The following ADAM20 variants were observed in gnomAD, a reference collection of about 807,000 sequenced individuals.
The protein encoded by ADAM20 is disintegrin and metalloproteinase domain-containing protein 20.
For missense variants in ADAM20, 871 were observed against 883.2 expected, an observed-to-expected ratio of 0.99 and a Z score of 0.18; for synonymous variants, 305 against 310.2, an observed-to-expected ratio of 0.98 and a Z score of 0.18.
intron 1 of ADAM20, among the ~76,000 whole-genome samples, chr14:70,531,773 C>T (rs1182864506): frequency 6.6e-6 from 1 of 151,790 alleles, no homozygotes; most frequent in Non-Finnish European, 1.5e-5. Flanking sequence ...GAATAAAATA[C>T]TTAGGAATAA....
chr14:70,571,589 C>T, the ADAM20 span, among the ~76,000 whole-genome samples: 43 of 152,306 alleles, frequency 2.8e-4, 1 homozygote, highest in South Asian at 6.0e-3. Context: ...ACTAATACAT[C>T]CATTCTCCCC....
chr14:70,560,272 T>C, the ADAM20 span, among the ~76,000 whole-genome samples: 1 of 152,170 alleles, frequency 6.6e-6, no homozygotes, highest in African/African-American at 2.4e-5. Flanking sequence ...ACTATCACTA[T>C]TTATGAACTT....
chr14:70,537,537 A>G (rs926504316), upstream of ADAM20, among the ~76,000 whole-genome samples: 4 of 152,156 alleles, frequency 2.6e-5, no homozygotes, highest in African/African-American at 9.7e-5. Context: ...GACCAGTGGG[A>G]CTAAGCTGGA....
the ADAM20 span, among the ~76,000 whole-genome samples, chr14:70,573,361 A>G: frequency 6.6e-6 from 1 of 152,226 alleles, no homozygotes; most frequent in African/African-American, 2.4e-5. Context: ...GCTCTCACTT[A>G]TCAATTGGCT....
chr14:70,524,243 CT>C lies in ADAM20; in HGVS notation c.514del (p.Arg172AspfsTer4). The C allele has an allele frequency of 6.2e-7, 1 of 1,614,004 alleles. No homozygotes were observed. The highest frequency in any genetic ancestry group is 8.5e-7 in the Non-Finnish European group (1 of 1,179,928). ...DSDDTQFPPM[R>X]CGLTEEKIAH... ...TATTTTCTCTTCTGTTAACCCACATCTCATAGGTGGAAACTGTGTATCATCA... is the reference window on the plus strand; with the variant it reads ...TATTTTCTCTTCTGTTAACCCACATCCATAGGTGGAAACTGTGTATCATCA... On this transcript the variant is annotated frameshift_variant, in exon 2 of 2. Transcript: ENST00000256389. LOFTEE classifies it low-confidence loss of function (END_TRUNC).
the ADAM20 span, among the ~76,000 whole-genome samples, chr14:70,540,394 C>A: frequency 6.6e-6 from 1 of 152,076 alleles, no homozygotes; most frequent in East Asian, 1.9e-4. Context: ...AAAGTAAAAG[C>A]CATGGAAACT....
rs768351469 is a variant in ADAM20 at position 70,523,826 on chromosome 14, G to T, written c.932C>A (p.Ala311Asp). The change falls in exon 2 of 2, where the codon GCC (alanine) becomes GAC (aspartate). Residue 311 changes from alanine (A) to aspartate (D), a missense_variant. Transcript: ENST00000256389. Reference protein sequence around the residue: ...KDTQGMKLGVAYVKGICQNPF... With the variant: ...KDTQGMKLGVDYVKGICQNPF... ...ATTCTGGCATATTCCTTTAACATAGGCAACACCAAGCTTCATGCCTTGTGT... is the reference window on the plus strand; with the variant it reads ...ATTCTGGCATATTCCTTTAACATAGTCAACACCAAGCTTCATGCCTTGTGT... The T allele has an allele frequency of 3.1e-6, 5 of 1,613,960 alleles. No homozygotes were observed. In the South Asian group the frequency reaches 4.4e-5, roughly 14 times the overall value.
chr14:70,574,597 A>G, the ADAM20 span, among the ~76,000 whole-genome samples: 1 of 151,960 alleles, frequency 6.6e-6, no homozygotes, highest in Admixed American at 6.6e-5. Flanking sequence ...CCGAGATCGC[A>G]CCACTGCACT....
At chr14:70,543,981 C>T in the ADAM20 span, among the ~76,000 whole-genome samples, 3 of 152,180 alleles carry the variant, frequency 2.0e-5, no homozygotes, top group African/African-American at 4.8e-5. Context: ...CCATAAACCA[C>T]AAGTGACATC....
At chr14:70,576,119 T>C in the ADAM20 span, among the ~76,000 whole-genome samples, 2 of 151,984 alleles carry the variant, frequency 1.3e-5, no homozygotes, top group African/African-American at 4.8e-5. Flanking sequence ...TTAAAATAAA[T>C]GAAAGTAGAA....
chr14:70,569,491 A>T, the ADAM20 span, among the ~76,000 whole-genome samples: 1 of 152,172 alleles, frequency 6.6e-6, no homozygotes, highest in African/African-American at 2.4e-5. Context: ...AATTGGATTT[A>T]AAAAACAGTA....
chr14:70,566,080 AG>A, the ADAM20 span, among the ~76,000 whole-genome samples: 1 of 152,216 alleles, frequency 6.6e-6, no homozygotes, highest in East Asian at 1.9e-4. Context: ...AAGTTGCTCA[AG>A]TTGAAACAAA....
chr14:70,566,754 C>G, the ADAM20 span, among the ~76,000 whole-genome samples: 1 of 152,048 alleles, frequency 6.6e-6, no homozygotes, highest in Non-Finnish European at 1.5e-5. Context: ...CCGAGGCAGG[C>G]AGATCACTTG....
At chr14:70,567,650 G>C in the ADAM20 span, among the ~76,000 whole-genome samples, 1 of 151,992 alleles carries the variant, frequency 6.6e-6, no homozygotes, top group East Asian at 1.9e-4. Context: ...CTCGAATGGC[G>C]GGGCCTAACT....
Position 70,524,310 on chromosome 14 carries a change from C to A in ADAM20, c.448G>T (p.Val150Phe). The A allele has an allele frequency of 1.9e-6, 3 of 1,614,016 alleles. No individual in the cohort carries two copies. In the South Asian group the frequency reaches 3.3e-5, roughly 18 times the overall value. ...ACTAGGTGTTCAAATGTGGCAGAAACACTAATTGGCTTGATTTCATAAACA... is the reference window on the plus strand; with the variant it reads ...ACTAGGTGTTCAAATGTGGCAGAAAAACTAATTGGCTTGATTTCATAAACA... ...DLVYEIKPIS[V>F]SATFEHLVYK... The change falls in exon 2 of 2, where the codon GTT becomes TTT. Residue 150 changes from valine to phenylalanine, a missense_variant. By Grantham distance (50) the Val-to-Phe change is conservative. Transcript: ENST00000256389.
the ADAM20 span, among the ~76,000 whole-genome samples, chr14:70,553,319 A>AC: frequency 8.1e-6 from 1 of 123,776 alleles, no homozygotes; most frequent in Non-Finnish European, 1.6e-5. Context: ...TAAAAAAAAA[A>AC]AAAAAAAAAA....
the ADAM20 span, among the ~76,000 whole-genome samples, chr14:70,541,180 C>T: frequency 6.6e-6 from 1 of 152,144 alleles, no homozygotes; most frequent in Non-Finnish European, 1.5e-5. Flanking sequence ...AAATTCGAGG[C>T]ATGTGAGAGA....
chr14:70,534,082 C>CAAAAA (rs59828723), intron 1 of ADAM20, among the ~76,000 whole-genome samples: 13 of 54,066 alleles, frequency 2.4e-4, no homozygotes, highest in East Asian at 3.8e-4. Flanking sequence ...GACCCTGTCT[C>CAAAAA]AAAAAAAAAA....
chr14:70,546,383 T>A, the ADAM20 span, among the ~76,000 whole-genome samples: 1 of 152,164 alleles, frequency 6.6e-6, no homozygotes, highest in Admixed American at 6.5e-5. Flanking sequence ...GTTTTATACA[T>A]TTTAGGGAGA....
Sources: gnomAD v4.1 joint callset for allele counts (sites outside exome capture counted in the v4.1 genomes callset) on GRCh38, gnomAD v4.1.1 for gene constraint, MANE v1.5 for transcripts, NCBI Gene and HGNC (gene_info 2026-07-23, HGNC 2026-07-21) for gene names.